Variants in CWH43 observed in about 807,000 individuals in gnomAD.
The protein encoded by CWH43 is cell wall biogenesis 43 C-terminal homolog, also known as PGAP2-interacting protein.
In CWH43, 91 loss-of-function variants were observed where a neutral mutation model predicts 85.7. That is an observed-to-expected ratio of 1.06 (90% confidence interval 0.90 to 1.26). The LOEUF is 1.26. Ranked by LOEUF, CWH43 falls within the 50% of genes most tolerant of loss-of-function variation. The pLI, the probability that CWH43 is intolerant of heterozygous loss-of-function variation, is 0.00. For synonymous variants in CWH43, 323 were observed against 293.6 expected (o/e 1.10, Z -1.02); for missense variants, 869 against 839.2 (o/e 1.04, Z -0.44).
chr4:49,052,735 A>T (rs1784836863), intron 15 of CWH43, among the ~76,000 whole-genome samples: 1 of 152,236 alleles, frequency 6.6e-6, no homozygotes, highest in Non-Finnish European at 1.5e-5. Flanking sequence ...AAAGGCATAA[A>T]TAGAAGGCAT....
At chr4:49,050,910 A>G (rs1210462277) in intron 15 of CWH43, 61 bp downstream of exon 15, 5 of 1,169,200 alleles carry the variant, frequency 4.3e-6, no homozygotes, top group Non-Finnish European at 6.1e-6. Context: ...TGGAACCTAC[A>G]TATTACCTCA....
chr4:49,058,976 T>A (rs1223835818), intron 15 of CWH43, among the ~76,000 whole-genome samples: 2 of 152,190 alleles, frequency 1.3e-5, no homozygotes, highest in Non-Finnish European at 2.9e-5. Context: ...TTGGGAGTTA[T>A]TTGGGCTTCA....
intron 13 of CWH43, among the ~76,000 whole-genome samples, chr4:49,038,722 T>A (rs1784341442): frequency 6.6e-6 from 1 of 152,178 alleles, no homozygotes; most frequent in Non-Finnish European, 1.5e-5. Context: ...AGTGAGATTT[T>A]GTTGTAGCCA....
intron 14 of CWH43, among the ~76,000 whole-genome samples, chr4:49,046,317 C>T (rs984546299): frequency 1.3e-5 from 2 of 151,800 alleles, no homozygotes; most frequent in Admixed American, 6.6e-5. Flanking sequence ...ACCATTCATT[C>T]ATTCATTCAT....
chr4:49,038,065 T>C lies in CWH43; in HGVS notation c.1688T>C (p.Ile563Thr), dbSNP rs141746659. 7.4e-6 allele frequency: 12 copies of C among 1,612,226 alleles called. No individual in the cohort carries two copies. The highest frequency in any genetic ancestry group is 1.3e-5 in the African/African-American group (1 of 74,960). ...EDDLDRKLQA[I>T]AVSKLLKSSS... ...GACCTCGACAGGAAACTGCAGGCTA[T>C]TGCTGTTTCAAAACTACTGAAAAGT... Residue 563 changes from isoleucine to threonine, a missense_variant, in exon 13 of 16, where the codon ATT becomes ACT. By Grantham distance (89) the Ile-to-Thr change is moderately conservative (BLOSUM62 -1). Coordinates refer to ENST00000226432, the MANE Select transcript of CWH43 (RefSeq NM_025087.3).
At chr4:49,034,079 T>C (rs1288925338) in intron 12 of CWH43, among the ~76,000 whole-genome samples, 2 of 152,228 alleles carry the variant, frequency 1.3e-5, no homozygotes, top group African/African-American at 2.4e-5. Context: ...ATAATTAATA[T>C]GAACCATTTA....
chr4:49,028,822 C>A, intron 10 of CWH43, 88 bp downstream of exon 10: 2 of 818,046 alleles, frequency 2.4e-6, no homozygotes. Flanking sequence ...TAACTTAATG[C>A]AGGTATTAGA....
At chr4:49,061,751 C>G in intron 15 of CWH43, 61 bp from the exon 16 acceptor site, 1 of 1,206,676 alleles carries the variant, frequency 8.3e-7, no homozygotes, top group Non-Finnish European at 1.1e-6. Context: ...TACATAAGAA[C>G]ATACCTTTCT....
rs949310917 is a variant in CWH43, at chr4:49,061,929, A to G, written c.*39A>G. ...AGAAGTTATTGGCTGGGAAAATCTA[A>G]GAAAAAAAGTATGTAAGATAAAAAG... On this transcript the variant is annotated 3_prime_UTR_variant, in exon 16 of 16. Coordinates refer to ENST00000226432, the MANE Select transcript of CWH43 (RefSeq NM_025087.3). The G allele has an allele frequency of 5.5e-6, 7 of 1,283,154 alleles. No individual in the cohort carries two copies. In the Admixed American group the frequency reaches 1.6e-4, roughly 29 times the overall value. 79.5% of individuals were successfully genotyped at this position (1,283,154 alleles called of 1,614,324 possible).
At chr4:49,048,930 T>A (rs1784712463) in intron 14 of CWH43, among the ~76,000 whole-genome samples, 1 of 152,166 alleles carries the variant, frequency 6.6e-6, no homozygotes, top group Non-Finnish European at 1.5e-5. Context: ...AATCACCAAA[T>A]TCAATGCCCT....
At chr4:48,988,849 T>A (rs924094723) in intron 2 of CWH43, among the ~76,000 whole-genome samples, 181 bp downstream of exon 2, 3 of 152,234 alleles carry the variant, frequency 2.0e-5, no homozygotes, top group Non-Finnish European at 2.9e-5. Flanking sequence ...TCAATGTGTT[T>A]TACATTTCCA....
chr4:49,034,871 G>A (rs954079859), intron 12 of CWH43, among the ~76,000 whole-genome samples: 6 of 152,154 alleles, frequency 3.9e-5, no homozygotes, highest in Non-Finnish European at 7.3e-5. Context: ...TGTAGTAAGT[G>A]CTCAATTAAC....
At chr4:49,030,760 G>A (rs1185477474) in intron 10 of CWH43, 65 bp from the exon 11 acceptor site, 2 of 1,437,162 alleles carry the variant, frequency 1.4e-6, no homozygotes, top group Non-Finnish European at 1.8e-6. Flanking sequence ...AGAGTAAAGT[G>A]TTGCTAATTG....
chr4:49,023,667 G>T (rs1783817901), intron 9 of CWH43, among the ~76,000 whole-genome samples: 1 of 152,176 alleles, frequency 6.6e-6, no homozygotes. Context: ...ATGAGCCACT[G>T]CACCCGGTTG....
intron 15 of CWH43, among the ~76,000 whole-genome samples, chr4:49,058,037 T>G (rs1321318103): frequency 6.6e-6 from 1 of 152,196 alleles, no homozygotes; most frequent in African/African-American, 2.4e-5. Context: ...CAATTTCTTA[T>G]AACTTATTTT....
chr4:49,057,661 T>C (rs1785010525), intron 15 of CWH43, among the ~76,000 whole-genome samples: 1 of 152,214 alleles, frequency 6.6e-6, no homozygotes, highest in Admixed American at 6.5e-5. Context: ...AGTCTACTGT[T>C]TCCTTGTTGA....
At chr4:49,031,599 A>G (rs1196558334) in intron 11 of CWH43, among the ~76,000 whole-genome samples, 1 of 152,166 alleles carries the variant, frequency 6.6e-6, no homozygotes, top group Non-Finnish European at 1.5e-5. Flanking sequence ...TGTGATTGGA[A>G]GCCACTGGAG....
At chr4:49,013,896 A>C (rs78420585) in intron 8 of CWH43, among the ~76,000 whole-genome samples, 3,161 of 152,274 alleles carry the variant, frequency 0.021, 97 homozygotes, top group African/African-American at 0.07. Context: ...ACTCATGTAA[A>C]ATAGACTGGA....
At chr4:49,025,523 A>G (rs1783883726) in intron 9 of CWH43, among the ~76,000 whole-genome samples, 2 of 152,298 alleles carry the variant, frequency 1.3e-5, no homozygotes, top group South Asian at 2.1e-4. Context: ...GCTGCTCTTC[A>G]GATTCTTTTC....
Sources: allele counts gnomAD v4.1 joint callset (sites outside exome capture counted in the v4.1 genomes callset), GRCh38; gene constraint gnomAD v4.1.1; transcripts MANE v1.5; gene names NCBI Gene and HGNC (gene_info 2026-07-23, HGNC 2026-07-21).